The following ADGRB2 variants were observed in gnomAD, a reference collection of about 807,000 sequenced individuals.
ADGRB2 encodes the protein adhesion G protein-coupled receptor B2.
ADGRB2 carries 47 observed loss-of-function variants against 178.7 expected under a neutral mutation model. The ratio of observed to expected loss-of-function variants is 0.26; its 90% CI spans 0.21 to 0.34. The LOEUF is 0.34. ADGRB2 is among the 10% of genes least tolerant of loss of function. ADGRB2 has a pLI of 1.00. For missense variants in ADGRB2, 1,584 were observed against 2,180.8 expected (o/e 0.73, Z 5.45); for synonymous variants, 870 against 912.4 (o/e 0.95, Z 0.84).
intron 26 of ADGRB2, 24 bp from the exon 27 acceptor site, chr1:31,732,636 G>A: frequency 6.2e-7 from 1 of 1,610,874 alleles, no homozygotes; most frequent in Non-Finnish European, 8.5e-7. Flanking sequence ...GCGCCTGCTG[G>A]GCCTGAGGCC....
At chr1:31,736,865 G>A (rs907816132) in intron 20 of ADGRB2, 142 bp from the exon 21 acceptor site, 10 of 1,293,536 alleles carry the variant, frequency 7.7e-6, no homozygotes, top group African/African-American at 1.5e-5. Flanking sequence ...AGGCACCCCC[G>A]CCTTCCTGCA....
At position 31,756,761 on chromosome 1, in the gene ADGRB2, A is replaced by T; in HGVS notation, c.76T>A (p.Ser26Thr). The T allele has an allele frequency of 6.5e-7, 1 of 1,537,508 alleles. No individual in the cohort carries two copies. The highest frequency in any genetic ancestry group is 8.8e-7 in the Non-Finnish European group (1 of 1,141,382). ...TCGAAGGCGGTGGCCAGGCGCAGGG[A>T]CAGAATCACAGACAGTAAGAGGGGA... ...ACPLLLSVIL[S>T]LRLATAFDPA... The change falls in exon 4 of 33, where the codon TCC becomes ACC. Residue 26 changes from serine (S) to threonine (T), a missense_variant. By Grantham distance (58) the Ser-to-Thr change is moderately conservative (BLOSUM62 1). This residue lies in a region of ADGRB2 where 657 missense variants were observed against 847.6 expected (regional missense o/e 0.78). Coordinates refer to ENST00000373658, the MANE Select transcript of ADGRB2 (RefSeq NM_001364857.2). The surrounding 1 kb of genome is among the most constrained non-coding windows in gnomAD (Gnocchi z 8.5).
In ADGRB2 at chr1:31,727,872, C is replaced by A. The variant is rs905546803; in HGVS notation, c.4572+153G>T. On this transcript the variant is annotated intron_variant, in intron 32 of 32. Transcript: ENST00000373658. The surrounding 1 kb of genome is among the most constrained non-coding windows in gnomAD (Gnocchi z 4.4). ...CCACCCCTGTTCGCCATCTGCAGCACCTTCCCCACCCCCAGGCGGCCCCAG... is the reference window on the plus strand; with the variant it reads ...CCACCCCTGTTCGCCATCTGCAGCAACTTCCCCACCCCCAGGCGGCCCCAG... 11 of 1,106,672 alleles carry A rather than the reference C, an allele frequency of 9.9e-6. No individual in the cohort carries two copies. Among genetic ancestry groups the A allele is most frequent in the African/African-American group, 7.9e-5 (5 of 63,122 alleles). The allele number at this position is 1,106,672 out of a possible 1,614,324, so 68.6% of individuals were successfully genotyped here. A position where few individuals can be genotyped will look rare whatever the true frequency, so the allele number is the denominator to read the frequency against.
chr1:31,737,639 G>A lies in ADGRB2; in HGVS notation c.2876+13C>T. ...CCCCTCCCCCAGCCACAAGAGCCAGGTGTCAGACCTACCTCCAAAAGGCGG... is the reference window on the plus strand; with the variant it reads ...CCCCTCCCCCAGCCACAAGAGCCAGATGTCAGACCTACCTCCAAAAGGCGG... On this transcript the variant is annotated intron_variant, in intron 19 of 32. Coordinates refer to ENST00000373658, the MANE Select transcript of ADGRB2 (RefSeq NM_001364857.2). The A allele has an allele frequency of 2.5e-6, 4 of 1,613,604 alleles. No homozygotes were observed. The highest frequency in any genetic ancestry group is 3.4e-6 in the Non-Finnish European group (4 of 1,179,666).
Position 31,738,325 on chromosome 1 carries a change from C to G in ADGRB2, c.2647G>C (p.Asp883His). Residue 883 changes from aspartate to histidine, a missense_variant and splice_region_variant, in exon 18 of 33, where the codon GAT becomes CAT. By Grantham distance (81) the Asp-to-His change is moderately conservative (BLOSUM62 -1). Transcript: ENST00000373658. The stretch of plus-strand genomic sequence containing the variant: ...GTGTCCCAGTCTCCTGAGCTGGCAT[C>G]TCTTGGGTAGGGGAGAGATTCAGTG... ...HCASWDYSRADASSGDWDTEN... is the reference protein window; with the variant it reads ...HCASWDYSRAHASSGDWDTEN... 1 of 1,611,466 alleles carries G rather than the reference C, an allele frequency of 6.2e-7. No homozygotes were observed.
chr1:31,763,810 C>T (rs1647121465), intron 1 of ADGRB2, 74 bp downstream of exon 1: 3 of 985,216 alleles, frequency 3.0e-6, no homozygotes, highest in South Asian at 4.7e-5. Flanking sequence ...GAGTCCGGGC[C>T]GGTGCGGAAA....
In ADGRB2 at chr1:31,739,914, G is replaced by A. The variant is rs759391387; in HGVS notation, c.2167+12C>T. On this transcript the variant is annotated intron_variant, in intron 14 of 32. Transcript: ENST00000373658. Reference sequence around the variant, plus strand: ...ACATTCAGGACCCCCACCCTTGCCTGACTCCTTCTACCTAGATTATCTGTG... The same window carrying A: ...ACATTCAGGACCCCCACCCTTGCCTAACTCCTTCTACCTAGATTATCTGTG... 1 of 1,611,570 alleles carries A rather than the reference G, an allele frequency of 6.2e-7. No homozygotes were observed. Among genetic ancestry groups the A allele is most frequent in the Non-Finnish European group, 8.5e-7 (1 of 1,177,728 alleles).
intron 27 of ADGRB2, 42 bp downstream of exon 27, chr1:31,732,475 T>C: frequency 6.2e-7 from 1 of 1,600,554 alleles, no homozygotes; most frequent in South Asian, 1.1e-5. Context: ...GGGTGGGGGG[T>C]GCCCAGAATC....
rs1029099536 is a variant in ADGRB2, at chr1:31,754,929, G to T, written c.838+1070C>A. ...CCAGCACTCCTAGCAGCCCTCACAT[G>T]ATACCCTGTCTCCTTGTAAACACTC... On this transcript the variant is annotated intron_variant, in intron 4 of 32. Coordinates refer to ENST00000373658, the MANE Select transcript of ADGRB2 (RefSeq NM_001364857.2). This position sits in a 1 kb window ranked among gnomAD's most constrained non-coding sequence, Gnocchi z 5.7. Among the ~76,000 whole-genome samples the T allele has an allele frequency of 6.6e-6, 1 of 152,202 alleles. No individual in the cohort carries two copies. The highest frequency in any genetic ancestry group is 1.5e-5 in the Non-Finnish European group (1 of 68,036).
At position 31,737,438 on chromosome 1, in the gene ADGRB2, C is replaced by G. The variant is rs1474681147; in HGVS notation, c.2970G>C (p.Val990=). The G allele has an allele frequency of 3.1e-6, 5 of 1,614,068 alleles. No individual in the cohort carries two copies. Among genetic ancestry groups the G allele is most frequent in the Non-Finnish European group, 4.2e-6 (5 of 1,179,892 alleles). The part of the protein sequence containing the change: ...NILILVGQSR[V]LSKGVCTMTA... ...GGAAGTCTGCACCTGCCTTGCTCAG[C>G]ACCCGGGACTGGCCCACGAGGATCA... is the stretch of plus-strand genomic sequence containing the variant. Residue 990 remains valine (V), a synonymous_variant, in exon 20 of 33, where the codon GTG becomes GTC. Transcript: ENST00000373658.
chr1:31,728,583 A>G lies in ADGRB2; in HGVS notation c.4416+15T>C. On this transcript the variant is annotated intron_variant, in intron 30 of 32. Coordinates refer to ENST00000373658, the MANE Select transcript of ADGRB2 (RefSeq NM_001364857.2). The surrounding 1 kb of genome is among the most constrained non-coding windows in gnomAD (Gnocchi z 6.7). ...AGCCAGATGTCCCACCGCCCAGCACACACATGGCCCTTACCTCAAAGTCCA... is the reference window on the plus strand; with the variant it reads ...AGCCAGATGTCCCACCGCCCAGCACGCACATGGCCCTTACCTCAAAGTCCA... The G allele has an allele frequency of 6.2e-7, 1 of 1,614,086 alleles. No homozygotes were observed.
intron 3 of ADGRB2, 71 bp downstream of exon 3, chr1:31,757,130 C>T: frequency 6.2e-7 from 1 of 1,611,802 alleles, no homozygotes; most frequent in Non-Finnish European, 8.5e-7. Flanking sequence ...TGCCATCGTT[C>T]TGTTTCCTCA....
In ADGRB2 at chr1:31,739,651, G is replaced by A. The variant is rs781196409; in HGVS notation, c.2168-16C>T. Reference sequence around the variant, plus strand: ...ATGCTGATCACTGCAGTGGGAGGAGGGTGGACAGAGACAGACAGAGGGGCA... The same window carrying A: ...ATGCTGATCACTGCAGTGGGAGGAGAGTGGACAGAGACAGACAGAGGGGCA... On this transcript the variant is annotated splice_polypyrimidine_tract_variant and intron_variant, in intron 14 of 32. Transcript: ENST00000373658. The A allele has an allele frequency of 5.8e-6, 9 of 1,563,544 alleles. No individual in the cohort carries two copies. In the African/African-American group the frequency reaches 1.2e-4, roughly 21 times the overall value.
rs1646075728 is a variant in ADGRB2 at position 31,743,138 on chromosome 1, G to A, written c.1088-136C>T. Reference sequence around the variant, plus strand: ...CATTGGCTCTGCCCCGGGATCTGTTGCCAGGGGGATCTCCCAGGGCCCCAC... The same window carrying A: ...CATTGGCTCTGCCCCGGGATCTGTTACCAGGGGGATCTCCCAGGGCCCCAC... On this transcript the variant is annotated intron_variant, in intron 6 of 32. Coordinates refer to ENST00000373658, the MANE Select transcript of ADGRB2 (RefSeq NM_001364857.2). 4.7e-6 allele frequency: 5 copies of A among 1,070,024 alleles called. No homozygotes were observed. The South Asian group carries it at 8.9e-5, about 19-fold the overall frequency. The allele number at this position is 1,070,024 out of a possible 1,614,324, so 66.3% of individuals were successfully genotyped here.
chr1:31,730,695 CTT>C (rs1645235440), intron 29 of ADGRB2, 103 bp downstream of exon 29: 1 of 1,371,168 alleles, frequency 7.3e-7, no homozygotes, highest in East Asian at 2.5e-5. Flanking sequence ...CTCCCAGTGA[CTT>C]TTACGAGAGG....
intron 21 of ADGRB2, 34 bp downstream of exon 21, chr1:31,736,539 C>T (rs1396368179): frequency 6.2e-7 from 1 of 1,605,758 alleles, no homozygotes; most frequent in East Asian, 2.2e-5. Flanking sequence ...CCCACCAAGG[C>T]CCAGCAGCAG....
rs377726390 is a variant in ADGRB2, at chr1:31,728,686, G to T, written c.4381-53C>A. The T allele has an allele frequency of 6.2e-7, 1 of 1,603,174 alleles. No homozygotes were observed. Among genetic ancestry groups the T allele is most frequent in the Non-Finnish European group, 8.5e-7 (1 of 1,170,590 alleles). ...GAGGAGAAGAAAGCTTTTTACCACC[G>T]GCAGGGGCTTTAGAGACAGGAAGCC... On this transcript the variant is annotated intron_variant, in intron 29 of 32. Transcript: ENST00000373658. This position sits in a 1 kb window ranked among gnomAD's most constrained non-coding sequence, Gnocchi z 6.7.
chr1:31,736,978 G>C (rs1391394804), intron 20 of ADGRB2, among the ~76,000 whole-genome samples: 1 of 152,218 alleles, frequency 6.6e-6, no homozygotes, highest in Non-Finnish European at 1.5e-5. Context: ...CTGGCAGGGA[G>C]GGGGACAGAC....
chr1:31,732,695 C>T (rs1429807719), intron 26 of ADGRB2, 83 bp from the exon 27 acceptor site: 2 of 1,473,274 alleles, frequency 1.4e-6, no homozygotes, highest in Non-Finnish European at 1.9e-6. Context: ...CCCCAGATGC[C>T]CAGGCAAGTG....
Sources: allele counts gnomAD v4.1 joint callset (sites outside exome capture counted in the v4.1 genomes callset), GRCh38; gene constraint gnomAD v4.1.1; regional missense constraint gnomAD v4.1.1; non-coding constraint Gnocchi (gnomAD v3.1); transcripts MANE v1.5; gene names NCBI Gene and HGNC (gene_info 2026-07-23, HGNC 2026-07-21).